ATP9A: variants seen among roughly 807,000 people sequenced by gnomAD.
ATP9A encodes the protein ATPase phospholipid transporting 9A, also known as probable phospholipid-transporting ATPase IIA.
A neutral mutation model predicts 144.1 loss-of-function variants in ATP9A; 52 were observed. The ratio of observed to expected loss-of-function variants is 0.36; its 90% confidence interval spans 0.29 to 0.45. The LOEUF is 0.45. ATP9A is among the 20% of genes least tolerant of loss of function. ATP9A has a pLI of 1.00. For missense variants in ATP9A, 947 were observed against 1,392.7 expected, an observed-to-expected ratio of 0.68 and a Z score of 5.09; for synonymous variants, 582 against 557.4, an observed-to-expected ratio of 1.04 and a Z score of -0.62.
chr20:51,651,885 C>T (rs1046723223), intron 14 of ATP9A, among the ~76,000 whole-genome samples: 2 of 152,064 alleles, frequency 1.3e-5, no homozygotes, highest in Non-Finnish European at 1.5e-5. Flanking sequence ...GCCAAGATCA[C>T]ACCACTGGGC....
At chr20:51,621,103 C>T (rs1157514446) in intron 19 of ATP9A, among the ~76,000 whole-genome samples, 1 of 150,068 alleles carries the variant, frequency 6.7e-6, no homozygotes, top group Non-Finnish European at 1.5e-5. Context: ...GCCAAGATTG[C>T]ACCACTGCAC....
At chr20:51,667,835 T>A (rs1208871614) in intron 13 of ATP9A, among the ~76,000 whole-genome samples, 3 of 151,530 alleles carry the variant, frequency 2.0e-5, no homozygotes, top group Non-Finnish European at 4.4e-5. Context: ...GGTGAGGCGA[T>A]CACTTGAGCC....
intron 4 of ATP9A, among the ~76,000 whole-genome samples, chr20:51,702,849 G>C (rs34221995): frequency 0.056 from 8,488 of 152,124 alleles, 425 homozygotes; most frequent in African/African-American, 0.13. Context: ...AGTAACAGCA[G>C]AAAGAAAAAA....
chr20:51,746,577 C>T (rs149947483), intron 1 of ATP9A, among the ~76,000 whole-genome samples: 56 of 152,334 alleles, frequency 3.7e-4, no homozygotes, highest in African/African-American at 1.3e-3. Context: ...CGGTGGCTCA[C>T]GCCTGTAATC....
Position 51,642,726 on chromosome 20 carries a change from C to CAAAAAAAAAAAAAAAAAAAAAAAAAAAAA in ATP9A, c.1507-3251_1507-3223dup, listed in dbSNP as rs778440862. ...GGGTGACTGAGTGAGACTCTGTCTC[C>CAAAAAAAAAAAAAAAAAAAAAAAAAAAAA]AAAAAAAAAAAAAAAAAAAAAAAAA... On this transcript the variant is annotated intron_variant, in intron 14 of 27. Transcript: ENST00000338821. Among the ~76,000 whole-genome samples, 8 of 31,144 alleles carry CAAAAAAAAAAAAAAAAAAAAAAAAAAAAA rather than the reference C, an allele frequency of 2.6e-4. 1 individual carries two copies. Among genetic ancestry groups the CAAAAAAAAAAAAAAAAAAAAAAAAAAAAA allele is most frequent in the South Asian group, 1.6e-3 (1 of 644 alleles). 20.4% of individuals were successfully genotyped at this position (31,144 alleles called of 152,430 possible).
At chr20:51,616,194 G>T (rs1421811598) in intron 22 of ATP9A, among the ~76,000 whole-genome samples, 1 of 152,148 alleles carries the variant, frequency 6.6e-6, no homozygotes, top group Non-Finnish European at 1.5e-5. Flanking sequence ...AACCAGAAAG[G>T]GTGGTAAAGA....
chr20:51,636,693 A>G (rs193203369), intron 15 of ATP9A, among the ~76,000 whole-genome samples: 75 of 147,962 alleles, frequency 5.1e-4, no homozygotes, highest in African/African-American at 1.9e-3. Flanking sequence ...ACGGTTTCTG[A>G]GCCTCCTTCC....
chr20:51,720,806 T>C (rs6091351), intron 3 of ATP9A, among the ~76,000 whole-genome samples: 38,842 of 151,962 alleles, frequency 0.26, 5,286 homozygotes, highest in Non-Finnish European at 0.28. Flanking sequence ...TGCACTCCAA[T>C]CTAGGCGACA....
chr20:51,718,814 C>CAAAAAAAAAAAAAAAAAAAAAAAA (rs71192550), intron 3 of ATP9A, among the ~76,000 whole-genome samples: 21 of 57,688 alleles, frequency 3.6e-4, no homozygotes, highest in South Asian at 6.9e-4. Flanking sequence ...GACTCCATCT[C>CAAAAAAAAAAAAAAAAAAAAAAAA]AAAAAAAAAA....
At chr20:51,708,260 C>G (rs1601118168) in intron 4 of ATP9A, among the ~76,000 whole-genome samples, 4 of 149,674 alleles carry the variant, frequency 2.7e-5, no homozygotes. Flanking sequence ...CAAAACCAGC[C>G]TGGGCAACAT....
intron 27 of ATP9A, among the ~76,000 whole-genome samples, chr20:51,603,345 T>G (rs908125743): frequency 1.3e-5 from 2 of 152,204 alleles, no homozygotes; most frequent in Admixed American, 6.5e-5. Flanking sequence ...CGGCTTGAGT[T>G]TGCCCCGTGC....
chr20:51,736,860 G>T (rs1402258904), intron 1 of ATP9A, among the ~76,000 whole-genome samples: 1 of 152,110 alleles, frequency 6.6e-6, no homozygotes, highest in Non-Finnish European at 1.5e-5. Flanking sequence ...CAGACTAAGG[G>T]GGGTGGCAGT....
chr20:51,598,588 T>C lies in ATP9A; in HGVS notation c.*2623A>G, dbSNP rs765856384. 1 of 152,088 alleles carries C rather than the reference T, an allele frequency of 6.6e-6. No individual in the cohort carries two copies. Among genetic ancestry groups the C allele is most frequent in the African/African-American group, 2.4e-5 (1 of 41,398 alleles). The allele number at this position is 152,088 out of a possible 1,614,324, so 9.4% of individuals were successfully genotyped here. On this transcript the variant is annotated 3_prime_UTR_variant, in exon 28 of 28. Transcript: ENST00000338821. ...AGTTTCTTGTATAGTAACTCTAGTT[T>C]CTTGTTTGCTTATTTCTTTGTCTTC...
chr20:51,607,610 G>A, intron 25 of ATP9A, 26 bp from the exon 26 acceptor site: 1 of 1,599,398 alleles, frequency 6.3e-7, no homozygotes, highest in South Asian at 1.1e-5. Context: ...AGAAAGGTTA[G>A]AGCCGGTTTC....
chr20:51,598,669 G>A lies in ATP9A; in HGVS notation c.*2542C>T, dbSNP rs2077129410. 6.6e-6 allele frequency: 1 copy of A among 151,132 alleles called. No homozygotes were observed. The highest frequency in any genetic ancestry group is 2.1e-4 in the South Asian group (1 of 4,776). 9.4% of individuals were successfully genotyped at this position (151,132 alleles called of 1,614,324 possible). ...TACCCAGGCGCCCCTGGGGTTCTCTGCTGGGCTTACAGTCTGATTGTGCAG... is the reference window on the plus strand; with the variant it reads ...TACCCAGGCGCCCCTGGGGTTCTCTACTGGGCTTACAGTCTGATTGTGCAG... On this transcript the variant is annotated 3_prime_UTR_variant, in exon 28 of 28. Transcript: ENST00000338821.
chr20:51,747,097 C>A (rs1433797872), intron 1 of ATP9A, among the ~76,000 whole-genome samples: 1 of 89,770 alleles, frequency 1.1e-5, no homozygotes, highest in Admixed American at 1.0e-4. Flanking sequence ...CTGGGTTTTT[C>A]GTTTTTTTTT....
intron 1 of ATP9A, among the ~76,000 whole-genome samples, chr20:51,755,306 G>A (rs888359529): frequency 4.1e-5 from 6 of 145,768 alleles, no homozygotes; most frequent in African/African-American, 7.7e-5. Context: ...GTGGTGCCAC[G>A]GGCCTGTAAT....
rs773565119 is a variant in ATP9A, at chr20:51,627,645, C to T, written c.1800G>A (p.Val600=). 2 of 1,614,220 alleles carry T rather than the reference C, an allele frequency of 1.2e-6. No individual in the cohort carries two copies. The highest frequency in any genetic ancestry group is 1.1e-5 in the South Asian group (1 of 91,086). Residue 600 remains valine (V), a synonymous_variant, in exon 17 of 28, where the codon GTG becomes GTA. Transcript: ENST00000338821. ...CCTCTGCAAGAGACTTCTTTGCCAC[C>T]ACGAGCACCCGCAGCCCTTCTCGGG... is the stretch of plus-strand genomic sequence containing the variant. The part of the protein sequence containing the change: ...NMAREGLRVL[V]VAKKSLAEEQ...
intron 1 of ATP9A, among the ~76,000 whole-genome samples, chr20:51,747,842 T>C (rs993932448): frequency 6.6e-6 from 1 of 152,174 alleles, no homozygotes; most frequent in Admixed American, 6.6e-5. Context: ...CACCTTTTCA[T>C]CTCTGCTGTC....
Sources: gnomAD v4.1 joint callset for allele counts (sites outside exome capture counted in the v4.1 genomes callset) on GRCh38, gnomAD v4.1.1 for gene constraint, MANE v1.5 for transcripts, NCBI Gene and HGNC (gene_info 2026-07-23, HGNC 2026-07-21) for gene names.